SLC3A1: variants seen among roughly 807,000 people sequenced by gnomAD.
The protein encoded by SLC3A1 is amino acid transporter heavy chain SLC3A1.
Under a neutral mutation model 60.3 loss-of-function variants are expected in SLC3A1, and 78 were observed. The ratio of observed to expected loss-of-function variants is 1.29; its 90% CI spans 1.08 to 1.56. SLC3A1 has a LOEUF of 1.56. Ranked by LOEUF, SLC3A1 falls within the 40% of genes most tolerant of loss-of-function variation. The pLI, the probability that SLC3A1 is intolerant of heterozygous loss-of-function variation, is 0.00. For synonymous variants in SLC3A1, 392 were observed against 307.9 expected (o/e 1.27, Z -2.86); for missense variants, 1,172 against 858.9 (o/e 1.36, Z -4.56).
Position 44,300,169 on chromosome 2 carries a change from A to G in SLC3A1, c.1011+79A>G. The G allele has an allele frequency of 2.8e-6, 4 of 1,422,464 alleles. No individual in the cohort carries two copies. The South Asian group carries it at 4.6e-5, about 17-fold the overall frequency. The allele number at this position is 1,422,464 out of a possible 1,614,324, so 88.1% of individuals were successfully genotyped here. On this transcript the variant is annotated intron_variant, in intron 5 of 9. Transcript: ENST00000260649. ...AGTGTTTTCTTTCTCAGCCTGAGAT[A>G]CCAGTTACAAAGATGAGTTTTGTCC...
rs756135674 is a variant in SLC3A1 at position 44,280,750 on chromosome 2, AAAT to A, written c.467_469del (p.Asn156del). 1.2e-6 allele frequency: 2 copies of A among 1,610,162 alleles called. No homozygotes were observed. The highest frequency in any genetic ancestry group is 2.2e-5 in the South Asian group (2 of 90,982). On this transcript the variant is annotated inframe_deletion, in exon 2 of 10. Coordinates refer to ENST00000260649, the MANE Select transcript of SLC3A1 (RefSeq NM_000341.4). ...ATAAACTGGACTACATCACAGCTTTAAATATAAAAACTGTTTGGATTACTTCAT... is the reference window on the plus strand; with the variant it reads ...ATAAACTGGACTACATCACAGCTTTAATAAAAACTGTTTGGATTACTTCAT...
At position 44,320,196 on chromosome 2, in the gene SLC3A1, T is replaced by C. The variant is rs1232494446; in HGVS notation, c.1618-3T>C. The C allele has an allele frequency of 6.2e-7, 1 of 1,610,614 alleles. No individual in the cohort carries two copies. ...TTACGTAAATACTTTTTTAAAAAAA[T>C]AGGTCCAAAAGACTCAGCCCAGATC... On this transcript the variant is annotated splice_region_variant and splice_polypyrimidine_tract_variant and intron_variant, in intron 9 of 9. Transcript: ENST00000260649.
At chr2:44,300,206 A>C (rs963450016) in intron 5 of SLC3A1, 116 bp downstream of exon 5, 1 of 1,026,170 alleles carries the variant, frequency 9.7e-7, no homozygotes, top group African/African-American at 1.6e-5. Context: ...GTGTCTAGCA[A>C]GTACCCTGAT....
chr2:44,301,413 T>G, intron 6 of SLC3A1: 2 of 597,434 alleles, frequency 3.3e-6, no homozygotes, highest in Non-Finnish European at 5.9e-6. Flanking sequence ...ATTAGCTAAA[T>G]GTTAGCCATG....
chr2:44,276,807 C>T (rs1671354211), intron 1 of SLC3A1, among the ~76,000 whole-genome samples: 1 of 152,174 alleles, frequency 6.6e-6, no homozygotes, highest in South Asian at 2.1e-4. Context: ...CCAGAACATA[C>T]TTCAGAGTAA....
intron 4 of SLC3A1, among the ~76,000 whole-genome samples, chr2:44,287,133 C>G (rs895747668): frequency 6.6e-6 from 1 of 152,112 alleles, no homozygotes; most frequent in Admixed American, 6.5e-5. Flanking sequence ...TAAAAGAAGC[C>G]TTACCCTCAA....
At chr2:44,315,336 G>A (rs188371800) in intron 9 of SLC3A1, 1 of 151,922 alleles carries the variant, frequency 6.6e-6, no homozygotes, top group Non-Finnish European at 1.5e-5. Context: ...GAAAATTTAA[G>A]TAATTTCTAA....
At chr2:44,279,244 C>A (rs932667498) in intron 1 of SLC3A1, among the ~76,000 whole-genome samples, 10 of 152,204 alleles carry the variant, frequency 6.6e-5, no homozygotes, top group Non-Finnish European at 1.0e-4. Flanking sequence ...AAGTGATCCA[C>A]CTGTCTCAGC....
chr2:44,320,770 T>C lies in SLC3A1; in HGVS notation c.*131T>C, dbSNP rs8886. On this transcript the variant is annotated 3_prime_UTR_variant, in exon 10 of 10. Coordinates refer to ENST00000260649, the MANE Select transcript of SLC3A1 (RefSeq NM_000341.4). Reference sequence around the variant, plus strand: ...GATATTTCTGTAGCTTGAATGTAACTGCTTTAAGAAAGGTTCTCAAATGTT... The same window carrying C: ...GATATTTCTGTAGCTTGAATGTAACCGCTTTAAGAAAGGTTCTCAAATGTT... 494,087 of 764,164 alleles carry C rather than the reference T, an allele frequency of 0.65. 163,112 individuals carry two copies. Among genetic ancestry groups the C allele is most frequent in the Middle Eastern group, 0.7 (2,545 of 3,622 alleles). 47.3% of individuals were successfully genotyped at this position (764,164 alleles called of 1,614,324 possible). A position where few individuals can be genotyped will look rare whatever the true frequency, so the allele number is the denominator to read the frequency against.
intron 1 of SLC3A1, among the ~76,000 whole-genome samples, chr2:44,276,467 A>G (rs1212733951): frequency 6.6e-6 from 1 of 152,202 alleles, no homozygotes. Context: ...TAAAGTTTAA[A>G]TTCTAAAAAA....
At chr2:44,310,282 A>G (rs983729271) in intron 7 of SLC3A1, among the ~76,000 whole-genome samples, 1 of 152,220 alleles carries the variant, frequency 6.6e-6, no homozygotes, top group Non-Finnish European at 1.5e-5. Flanking sequence ...TCAGCCATGT[A>G]CGAAGGTTCC....
At chr2:44,278,334 G>C (rs1221028789) in intron 1 of SLC3A1, among the ~76,000 whole-genome samples, 1 of 152,062 alleles carries the variant, frequency 6.6e-6, no homozygotes, top group Non-Finnish European at 1.5e-5. Flanking sequence ...TGTATTCCCA[G>C]CTATTTGGGT....
chr2:44,294,434 G>A (rs943931270), intron 4 of SLC3A1, among the ~76,000 whole-genome samples: 15 of 151,528 alleles, frequency 9.9e-5, no homozygotes, highest in African/African-American at 3.6e-4. Flanking sequence ...GAACCCGGGA[G>A]GCAAAGGTTG....
At chr2:44,301,407 G>A in intron 6 of SLC3A1, 1 of 599,896 alleles carries the variant, frequency 1.7e-6, no homozygotes, top group Non-Finnish European at 3.0e-6. Context: ...GATTATATTA[G>A]CTAAATGTTA....
intron 9 of SLC3A1, 197 bp downstream of exon 9, chr2:44,314,148 C>A: frequency 1.5e-6 from 2 of 1,313,090 alleles, no homozygotes; most frequent in Non-Finnish European, 2.1e-6. Flanking sequence ...ACAAATCTAC[C>A]AAGTGAAGTG....
At chr2:44,298,384 C>CT (rs113068506) in intron 4 of SLC3A1, among the ~76,000 whole-genome samples, 15,532 of 151,426 alleles carry the variant, frequency 0.1, 2,295 homozygotes, top group African/African-American at 0.33. Context: ...CTGCCACTGC[C>CT]TTTTTTTTTC....
At position 44,299,996 on chromosome 2, in the gene SLC3A1, A is replaced by C. The variant is rs774022844; in HGVS notation, c.917A>C (p.Lys306Thr). The change falls in exon 5 of 10, where the codon AAG becomes ACG. Residue 306 changes from lysine (K) to threonine (T), a missense_variant. Lys to Thr is a moderately conservative substitution (Grantham distance 78). Coordinates refer to ENST00000260649, the MANE Select transcript of SLC3A1 (RefSeq NM_000341.4). ...IKEILRFWLT[K>T]GVDGFSLDAV... ...GAAATTTTACGGTTCTGGCTCACAAAGGGTGTTGATGGTTTTAGTTTGGAT... is the reference window on the plus strand; with the variant it reads ...GAAATTTTACGGTTCTGGCTCACAACGGGTGTTGATGGTTTTAGTTTGGAT... 2 of 1,613,998 alleles carry C rather than the reference A, an allele frequency of 1.2e-6. No individual in the cohort carries two copies. The highest frequency in any genetic ancestry group is 2.7e-5 in the African/African-American group (2 of 74,938).
intron 4 of SLC3A1, among the ~76,000 whole-genome samples, chr2:44,286,676 C>T (rs1297021716): frequency 2.8e-5 from 4 of 141,202 alleles, no homozygotes; most frequent in African/African-American, 8.1e-5. Flanking sequence ...GTGTCTGTGA[C>T]GGTGAGCTGT....
chr2:44,305,848 C>G (rs1267709740), intron 7 of SLC3A1, among the ~76,000 whole-genome samples: 1 of 152,280 alleles, frequency 6.6e-6, no homozygotes, highest in East Asian at 1.9e-4. Context: ...TCGTTTAGGT[C>G]TCAGGTAGGT....
Sources: gnomAD v4.1 joint callset for allele counts (sites outside exome capture counted in the v4.1 genomes callset) on GRCh38, gnomAD v4.1.1 for gene constraint, MANE v1.5 for transcripts, NCBI Gene and HGNC (gene_info 2026-07-23, HGNC 2026-07-21) for gene names.